SDK1: variants seen among roughly 807,000 people sequenced by gnomAD.
SDK1 encodes the protein sidekick cell adhesion molecule 1, also known as protein sidekick-1.
A neutral mutation model predicts 245.5 loss-of-function variants in SDK1; 157 were observed. The observed-to-expected ratio is 0.64, with a 90% CI of 0.56 to 0.73. SDK1 has a LOEUF of 0.73. SDK1 is among the 30% of genes least tolerant of loss of function. SDK1 has a pLI of 0.00. For synonymous variants in SDK1, 1,647 were observed against 1,278.5 expected (o/e 1.29, Z -6.15); for missense variants, 3,583 against 3,002.3 (o/e 1.19, Z -4.52).
chr7:4,218,155 G>C (rs1784935277), intron 38 of SDK1, among the ~76,000 whole-genome samples: 1 of 152,206 alleles, frequency 6.6e-6, no homozygotes, highest in Non-Finnish European at 1.5e-5. Context: ...TGTAATTCCA[G>C]CACGTTGGGA....
chr7:4,074,697 A>G (rs1235376799), intron 20 of SDK1, among the ~76,000 whole-genome samples: 4 of 151,352 alleles, frequency 2.6e-5, no homozygotes, highest in African/African-American at 9.7e-5. Flanking sequence ...CCTCATCTCT[A>G]CAAAAAATTT....
At chr7:4,125,938 G>C (rs1040544431) in intron 25 of SDK1, among the ~76,000 whole-genome samples, 1 of 152,110 alleles carries the variant, frequency 6.6e-6, no homozygotes, top group Admixed American at 6.5e-5. Context: ...CCCTGAGTCC[G>C]GCCTTACTCC....
At chr7:4,152,435 C>T (rs1426188452) in intron 30 of SDK1, among the ~76,000 whole-genome samples, 1 of 152,156 alleles carries the variant, frequency 6.6e-6, no homozygotes, top group Non-Finnish European at 1.5e-5. Context: ...GCAGTGTGCT[C>T]ACATATATAA....
intron 1 of SDK1, among the ~76,000 whole-genome samples, chr7:3,477,871 C>T (rs933540998): frequency 1.3e-5 from 2 of 152,062 alleles, no homozygotes; most frequent in Non-Finnish European, 2.9e-5. Flanking sequence ...GAAATTTTAT[C>T]TGTATTTCCT....
chr7:3,952,789 G>T (rs1168459261), intron 7 of SDK1, among the ~76,000 whole-genome samples: 1 of 152,062 alleles, frequency 6.6e-6, no homozygotes. Context: ...CACTGGAGTT[G>T]CCCAGCTCTA....
At chr7:3,960,469 T>C (rs1359968783) in intron 8 of SDK1, among the ~76,000 whole-genome samples, 1 of 152,228 alleles carries the variant, frequency 6.6e-6, no homozygotes, top group Non-Finnish European at 1.5e-5. Context: ...ATGCCATTTC[T>C]TATTCCTGAA....
chr7:3,440,402 G>T (rs1416917029), intron 1 of SDK1, among the ~76,000 whole-genome samples: 1 of 152,280 alleles, frequency 6.6e-6, no homozygotes. Flanking sequence ...AGCTGCGAAG[G>T]TTCGGAGTTA....
chr7:3,505,110 TCG>T (rs1322583082), intron 1 of SDK1, among the ~76,000 whole-genome samples: 1 of 152,220 alleles, frequency 6.6e-6, no homozygotes, highest in East Asian at 1.9e-4. Context: ...TGTACATACT[TCG>T]TCAGAATAAA....
chr7:3,600,580 A>C (rs150794059), intron 1 of SDK1, among the ~76,000 whole-genome samples: 1 of 116,318 alleles, frequency 8.6e-6, no homozygotes, highest in East Asian at 2.5e-4. Context: ...TTTGAGATGG[A>C]GTCTCGCCCT....
In SDK1 at chr7:4,233,413, G is replaced by C. The variant is rs923064651; in HGVS notation, c.5986G>C (p.Val1996Leu). Residue 1996 changes from valine (V) to leucine (L), a missense_variant, in exon 41 of 45, where the codon GTG becomes CTG. Transcript: ENST00000404826. Reference protein sequence around the residue: ...YGEPSNPSTAVSAQVEAPFYE... With the variant: ...YGEPSNPSTALSAQVEAPFYE... ...GGAGCCCAGCAACCCCTCCACGGCT[G>C]TGTCAGGTAGGCCCTCCCAGGGAGG... 4 of 1,611,826 alleles carry C rather than the reference G, an allele frequency of 2.5e-6. No homozygotes were observed. Among genetic ancestry groups the C allele is most frequent in the Non-Finnish European group, 3.4e-6 (4 of 1,179,816 alleles).
At chr7:4,254,426 C>T (rs1438736170) in intron 44 of SDK1, among the ~76,000 whole-genome samples, 2 of 152,104 alleles carry the variant, frequency 1.3e-5, no homozygotes, top group East Asian at 3.8e-4. Context: ...TTTTAAATTT[C>T]AGTTATTGTA....
intron 22 of SDK1, among the ~76,000 whole-genome samples, chr7:4,096,462 C>T (rs1337624061): frequency 1.3e-5 from 2 of 152,148 alleles, no homozygotes; most frequent in Non-Finnish European, 2.9e-5. Context: ...GGATGGAGAA[C>T]AGAGGCTAGG....
At chr7:4,096,909 A>T (rs1257124717) in intron 22 of SDK1, among the ~76,000 whole-genome samples, 2 of 152,200 alleles carry the variant, frequency 1.3e-5, no homozygotes, top group African/African-American at 4.8e-5. Flanking sequence ...TCTGTAGCCC[A>T]GGAAGAGGCA....
intron 4 of SDK1, among the ~76,000 whole-genome samples, chr7:3,665,412 C>T (rs1413988707): frequency 6.6e-6 from 1 of 152,118 alleles, no homozygotes. Flanking sequence ...CTGCTCTAGC[C>T]TCTGCTGCCT....
intron 4 of SDK1, among the ~76,000 whole-genome samples, chr7:3,737,788 A>C (rs1779359400): frequency 6.6e-6 from 1 of 152,222 alleles, no homozygotes; most frequent in Non-Finnish European, 1.5e-5. Context: ...GGGAAGCTGG[A>C]TGTCCACCTT....
At chr7:3,972,189 C>A (rs929436690) in intron 12 of SDK1, among the ~76,000 whole-genome samples, 1 of 151,382 alleles carries the variant, frequency 6.6e-6, no homozygotes, top group African/African-American at 2.4e-5. Flanking sequence ...ACACCATTGT[C>A]CTGCCTCAGC....
At chr7:4,112,758 A>AT (rs10637008) in intron 23 of SDK1, among the ~76,000 whole-genome samples, 15,048 of 146,962 alleles carry the variant, frequency 0.1, 1,173 homozygotes, top group African/African-American at 0.21. Context: ...TGCAATTTGC[A>AT]TTTTTTTTTT....
rs1780849215 is a variant in SDK1, at chr7:3,951,742, C to A, written c.972C>A (p.Asp324Glu). Residue 324 changes from aspartate to glutamate, a missense_variant, in exon 7 of 45, where the codon GAC (aspartate) becomes GAA (glutamate). Coordinates refer to ENST00000404826, the MANE Select transcript of SDK1 (RefSeq NM_152744.4). ...ECIASARPVE[D>E]LSVTWKRNGV... ...TTCATTCCCACAGGCCTGTGGAGGACCTGAGTGTGACCTGGAAGAGGAATG... is the reference window on the plus strand; with the variant it reads ...TTCATTCCCACAGGCCTGTGGAGGAACTGAGTGTGACCTGGAAGAGGAATG... The A allele has an allele frequency of 1.2e-6, 2 of 1,613,216 alleles. No homozygotes were observed. The highest frequency in any genetic ancestry group is 8.5e-7 in the Non-Finnish European group (1 of 1,180,012).
At chr7:4,152,373 C>G (rs575477858) in intron 30 of SDK1, among the ~76,000 whole-genome samples, 1 of 152,308 alleles carries the variant, frequency 6.6e-6, no homozygotes, top group South Asian at 2.1e-4. Flanking sequence ...GGAGTATGGC[C>G]AGGTGCGCCC....
Sources: gnomAD v4.1 joint callset for allele counts (sites outside exome capture counted in the v4.1 genomes callset) on GRCh38, gnomAD v4.1.1 for gene constraint, MANE v1.5 for transcripts, NCBI Gene and HGNC (gene_info 2026-07-23, HGNC 2026-07-21) for gene names.